Variants in MTBP observed in about 807,000 individuals in gnomAD.
MTBP encodes mdm2-binding protein.
Under a neutral mutation model 117.0 loss-of-function variants are expected in MTBP, and 101 were observed. That is an observed-to-expected ratio of 0.86 (90% CI 0.73 to 1.02). The LOEUF (loss-of-function observed/expected upper bound fraction) is 1.02, where lower values mean the gene tolerates loss of function less well. Ranked by LOEUF, MTBP falls within the 50% of genes least tolerant of loss-of-function variation. The pLI, the probability that MTBP is intolerant of heterozygous loss-of-function variation, is 0.00. For missense variants in MTBP, 970 were observed against 1,030.9 expected, an observed-to-expected ratio of 0.94 and a Z score of 0.81; for synonymous variants, 350 against 351.5, an observed-to-expected ratio of 1.00 and a Z score of 0.05.
At position 120,518,023 on chromosome 8, in the gene MTBP, A is replaced by C; in HGVS notation, c.2419A>C (p.Ser807Arg). The C allele has an allele frequency of 4.3e-6, 7 of 1,612,912 alleles. No homozygotes were observed. Among genetic ancestry groups the C allele is most frequent in the Non-Finnish European group, 5.9e-6 (7 of 1,179,172 alleles). Residue 807 changes from serine (S) to arginine (R), a missense_variant, in exon 19 of 22, where the codon AGT becomes CGT. Transcript: ENST00000305949. Reference protein sequence around the residue: ...CETPKLATKTSSGQKSMHESK... With the variant: ...CETPKLATKTRSGQKSMHESK... Reference sequence around the variant, plus strand: ...AACTCCAAAACTTGCTACAAAGACCAGTTCAGGTCAAAAAAGTATGCATGA... The same window carrying C: ...AACTCCAAAACTTGCTACAAAGACCCGTTCAGGTCAAAAAAGTATGCATGA...
chr8:120,499,909 G>C (rs1395132957), intron 14 of MTBP, among the ~76,000 whole-genome samples: 1 of 152,132 alleles, frequency 6.6e-6, no homozygotes, highest in Non-Finnish European at 1.5e-5. Context: ...AAGTTTTCCA[G>C]GTAATTCTAT....
chr8:120,463,803 A>T (rs985886888), intron 10 of MTBP, 42 bp downstream of exon 10: 4 of 1,548,360 alleles, frequency 2.6e-6, no homozygotes, highest in Non-Finnish European at 3.6e-6. Flanking sequence ...GTTTGTTTTT[A>T]TACTTGCCAT....
chr8:120,453,797 A>G (rs1025002863), intron 4 of MTBP, 50 bp from the exon 5 acceptor site: 3 of 865,774 alleles, frequency 3.5e-6, no homozygotes, highest in African/African-American at 1.7e-5. Flanking sequence ...ATGATTATAT[A>G]TAAATATATT....
chr8:120,513,506 C>T (rs111764992), intron 17 of MTBP, among the ~76,000 whole-genome samples: 1 of 151,618 alleles, frequency 6.6e-6, no homozygotes, highest in African/African-American at 2.4e-5. Flanking sequence ...ATTTTTGTTC[C>T]GATGGCAAAT....
chr8:120,499,076 A>C (rs1356086196), intron 14 of MTBP, among the ~76,000 whole-genome samples: 1 of 152,024 alleles, frequency 6.6e-6, no homozygotes, highest in Non-Finnish European at 1.5e-5. Flanking sequence ...GACCTTCTTG[A>C]TTGCTTCTAA....
rs552124760 is a variant in MTBP at position 120,470,686 on chromosome 8, A to T, written c.1048-134A>T. ...ATTGTTCTTACTTTTTAGTTTTTAT[A>T]GTGGAGTTTTTGGGAGAGGGCATTA... On this transcript the variant is annotated intron_variant, in intron 10 of 21. Coordinates refer to ENST00000305949, the MANE Select transcript of MTBP (RefSeq NM_022045.5). 1.0e-5 allele frequency: 6 copies of T among 602,208 alleles called. No individual in the cohort carries two copies. In the East Asian group the frequency reaches 1.4e-4, roughly 14 times the overall value. The allele number at this position is 602,208 out of a possible 1,614,324, so 37.3% of individuals were successfully genotyped here. A position where few individuals can be genotyped will look rare whatever the true frequency, so the allele number is the denominator to read the frequency against.
rs746583445 is a variant in MTBP at position 120,516,043 on chromosome 8, A to G, written c.2098A>G (p.Thr700Ala). The change falls in exon 18 of 22, where the codon ACT (threonine) becomes GCT (alanine). Residue 700 changes from threonine (T) to alanine (A), a missense_variant. Physicochemically the swap from Thr to Ala is moderately conservative, Grantham distance 58. Transcript: ENST00000305949. ...CACCAGAGAAAGTTTTCCAGTACCT[A>G]CTGTGTTGAGCCCTCTTCCATCTCC... ...TCTRESFPVPTVLSPLPSPVV... is the reference protein window; with the variant it reads ...TCTRESFPVPAVLSPLPSPVV... 29 of 1,613,064 alleles carry G rather than the reference A, an allele frequency of 1.8e-5. No individual in the cohort carries two copies. Among genetic ancestry groups the G allele is most frequent in the East Asian group, 6.7e-5 (3 of 44,842 alleles).
chr8:120,500,269 A>G (rs200372161), intron 14 of MTBP, among the ~76,000 whole-genome samples: 1 of 152,212 alleles, frequency 6.6e-6, no homozygotes, highest in East Asian at 1.9e-4. Context: ...TGACTGCCAC[A>G]TAAATGAAAT....
chr8:120,489,178 A>G (rs1237912152), intron 12 of MTBP, among the ~76,000 whole-genome samples: 1 of 151,800 alleles, frequency 6.6e-6, no homozygotes, highest in East Asian at 1.9e-4. Context: ...AGCTGGGACT[A>G]CAGGTGTGCA....
intron 11 of MTBP, among the ~76,000 whole-genome samples, chr8:120,479,969 TAATG>T (rs940096170): frequency 2.6e-5 from 4 of 151,868 alleles, no homozygotes; most frequent in African/African-American, 7.3e-5. Context: ...GACCAGAAAT[TAATG>T]AATAAAATAT....
Position 120,480,384 on chromosome 8 carries a change from TG to T in MTBP, c.1166-7772del, listed in dbSNP as rs369880414. Reference sequence around the variant, plus strand: ...GAGATCACGCCACTGCACTCCAGCCTGGGCGACAGAGCGAGACTCCGTCTCA... The same window carrying T: ...GAGATCACGCCACTGCACTCCAGCCTGGCGACAGAGCGAGACTCCGTCTCA... On this transcript the variant is annotated intron_variant, in intron 11 of 21. Transcript: ENST00000305949. 4.3e-4 allele frequency among the ~76,000 whole-genome samples: 66 copies of T among 152,106 alleles called. 1 individual carries two copies. The highest frequency in any genetic ancestry group is 1.5e-3 in the African/African-American group (62 of 41,496).
intron 13 of MTBP, 98 bp from the exon 14 acceptor site, chr8:120,497,295 A>T (rs930920233): frequency 1.3e-5 from 14 of 1,086,480 alleles, no homozygotes; most frequent in Non-Finnish European, 1.8e-5. Flanking sequence ...TACTAGAGAA[A>T]TTCACTTGTT....
Position 120,460,188 on chromosome 8 carries a change from A to T in MTBP, c.882+839A>T, listed in dbSNP as rs142910390. ...TAGAATTGCTTACTTTAAGTAACTT[A>T]CTATGGCCATCTTTCACAGGAATAT... On this transcript the variant is annotated intron_variant, in intron 8 of 21. Coordinates refer to ENST00000305949, the MANE Select transcript of MTBP (RefSeq NM_022045.5). Among the ~76,000 whole-genome samples, 110 of 152,264 alleles carry T rather than the reference A, an allele frequency of 7.2e-4. 1 individual carries two copies. Among genetic ancestry groups the T allele is most frequent in the African/African-American group, 2.5e-3 (105 of 41,560 alleles).
At chr8:120,505,228 T>C (rs1389741634) in intron 15 of MTBP, among the ~76,000 whole-genome samples, 1 of 152,062 alleles carries the variant, frequency 6.6e-6, no homozygotes, top group Admixed American at 6.6e-5. Flanking sequence ...CTTATATTAA[T>C]GTTAGGAGAA....
At chr8:120,516,334 A>T (rs1053995536) in intron 18 of MTBP, 143 bp downstream of exon 18, 1 of 761,646 alleles carries the variant, frequency 1.3e-6, no homozygotes, top group Non-Finnish European at 2.0e-6. Flanking sequence ...AATTTTGCTT[A>T]TAAGTTATAA....
chr8:120,490,631 C>G (rs1814325209), intron 13 of MTBP, 61 bp downstream of exon 13: 1 of 1,051,600 alleles, frequency 9.5e-7, no homozygotes, highest in South Asian at 1.5e-5. Context: ...TGGACATAAG[C>G]TACCTTTATT....
At chr8:120,490,956 G>A (rs990011250) in intron 13 of MTBP, among the ~76,000 whole-genome samples, 3 of 152,030 alleles carry the variant, frequency 2.0e-5, no homozygotes, top group Non-Finnish European at 2.9e-5. Context: ...GCAAGTCTTA[G>A]GGAAATTAAT....
At chr8:120,518,962 G>A (rs1461707653) in intron 20 of MTBP, 145 bp downstream of exon 20, 2 of 550,122 alleles carry the variant, frequency 3.6e-6, no homozygotes, top group Non-Finnish European at 6.4e-6. Flanking sequence ...AAAAATTGAA[G>A]CCAAAATACT....
chr8:120,471,777 C>T (rs1391702536), intron 11 of MTBP: 1 of 152,134 alleles, frequency 6.6e-6, no homozygotes, highest in Non-Finnish European at 1.5e-5. Flanking sequence ...ATTGGCAGAA[C>T]CTACGGCTCT....
Sources: gnomAD v4.1 joint callset for allele counts (sites outside exome capture counted in the v4.1 genomes callset) on GRCh38, gnomAD v4.1.1 for gene constraint, MANE v1.5 for transcripts, NCBI Gene and HGNC (gene_info 2026-07-23, HGNC 2026-07-21) for gene names.